TGFB2: variants seen among roughly 807,000 people sequenced by gnomAD.
The protein encoded by TGFB2 is transforming growth factor beta 2.
A neutral mutation model predicts 42.7 loss-of-function variants in TGFB2; 13 were observed. That is an observed-to-expected ratio of 0.30 (90% CI 0.20 to 0.48). The LOEUF (loss-of-function observed/expected upper bound fraction) is 0.48. TGFB2 is among the 20% of genes least tolerant of loss of function. The pLI is 0.99. For missense variants in TGFB2, 390 were observed against 517.5 expected (o/e 0.75, Z 2.39); for synonymous variants, 193 against 193.6 (o/e 1.00, Z 0.03).
At chr1:218,408,437 T>G (rs751952579) in intron 2 of TGFB2, among the ~76,000 whole-genome samples, 1 of 152,124 alleles carries the variant, frequency 6.6e-6, no homozygotes, top group Non-Finnish European at 1.5e-5. Context: ...AGCTTTTAGT[T>G]TGGAGAAGCA....
intron 1 of TGFB2, among the ~76,000 whole-genome samples, chr1:218,383,964 C>T (rs1195458613): frequency 6.6e-6 from 1 of 152,232 alleles, no homozygotes; most frequent in Non-Finnish European, 1.5e-5. Context: ...TCCTTCCTTT[C>T]CACGTCACAG....
intron 2 of TGFB2, among the ~76,000 whole-genome samples, chr1:218,418,200 T>C (rs982976932): frequency 6.6e-6 from 1 of 152,318 alleles, no homozygotes; most frequent in African/African-American, 2.4e-5. Flanking sequence ...AGGGGGGCTA[T>C]ACCTTGCAAA....
At chr1:218,373,781 G>A (rs1657650836) in intron 1 of TGFB2, among the ~76,000 whole-genome samples, 1 of 152,134 alleles carries the variant, frequency 6.6e-6, no homozygotes, top group South Asian at 2.1e-4. Flanking sequence ...AGAACCATAT[G>A]CATCTGTATG....
chr1:218,375,439 A>T (rs1191466534), intron 1 of TGFB2, among the ~76,000 whole-genome samples: 6 of 53,652 alleles, frequency 1.1e-4, no homozygotes, highest in South Asian at 8.1e-4. Context: ...AGAGTTAATT[A>T]AAAAAAAAAA....
intron 1 of TGFB2, among the ~76,000 whole-genome samples, chr1:218,391,695 G>A (rs1186397758): frequency 5.9e-5 from 9 of 152,170 alleles, no homozygotes; most frequent in East Asian, 3.8e-4. Flanking sequence ...GGGTGTAAGC[G>A]TAAGATGATG....
At chr1:218,425,363 A>T (rs1659588546) in intron 2 of TGFB2, among the ~76,000 whole-genome samples, 1 of 151,892 alleles carries the variant, frequency 6.6e-6, no homozygotes, top group South Asian at 2.1e-4. Context: ...GCCAGCCACC[A>T]CGCCCGGCTA....
At chr1:218,353,819 G>A (rs1656943703) in intron 1 of TGFB2, among the ~76,000 whole-genome samples, 1 of 152,212 alleles carries the variant, frequency 6.6e-6, no homozygotes, top group South Asian at 2.1e-4. Context: ...GAGCCTAGGA[G>A]TTTGAGGCTG....
intron 1 of TGFB2, chr1:218,363,234 C>A: frequency 1.0e-6 from 1 of 1,002,142 alleles, no homozygotes; most frequent in Non-Finnish European, 1.6e-6. Flanking sequence ...ATGATAAGAA[C>A]ATTCAATGAG....
chr1:218,346,587 A>AAACAAAC lies in TGFB2; in HGVS notation c.-110_-109insACAACAA. On this transcript the variant is annotated 5_prime_UTR_variant, in exon 1 of 7. Coordinates refer to ENST00000366930, the MANE Select transcript of TGFB2 (RefSeq NM_003238.6). This position sits in a 1 kb window ranked among gnomAD's most constrained non-coding sequence, Gnocchi z 4.9. Reference sequence around the variant, plus strand: ...ATTGTTTGCAAAAGTTTCGCATCAAAAACAACAACAACAAAAAACCAAACA... The same window carrying AAACAAAC: ...ATTGTTTGCAAAAGTTTCGCATCAAAAACAAACAACAACAACAACAAAAAACCAAACA... 13 of 875,224 alleles carry AAACAAAC rather than the reference A, an allele frequency of 1.5e-5. No individual in the cohort carries two copies. 54.2% of individuals were successfully genotyped at this position (875,224 alleles called of 1,614,324 possible).
At chr1:218,413,716 A>G (rs1272315041) in intron 2 of TGFB2, among the ~76,000 whole-genome samples, 1 of 152,192 alleles carries the variant, frequency 6.6e-6, no homozygotes, top group African/African-American at 2.4e-5. Context: ...AGCATCTGTA[A>G]AATAAAATCT....
At chr1:218,409,190 C>T (rs968215118) in intron 2 of TGFB2, among the ~76,000 whole-genome samples, 2 of 152,192 alleles carry the variant, frequency 1.3e-5, no homozygotes, top group Admixed American at 6.5e-5. Flanking sequence ...CTGCTCACCT[C>T]CTGCTGTGCG....
rs986091987 is a variant in TGFB2 at position 218,443,065 on chromosome 1, G to A, written c.*1703G>A. 6.6e-6 allele frequency: 1 copy of A among 152,172 alleles called. No individual in the cohort carries two copies. The highest frequency in any genetic ancestry group is 1.5e-5 in the Non-Finnish European group (1 of 68,020). 9.4% of individuals were successfully genotyped at this position (152,172 alleles called of 1,614,324 possible). Reference sequence around the variant, plus strand: ...AGTCCAGGTCAGCATAAGTCATTTTGTGTATTTCACTGAAGTTATAAGGTT... The same window carrying A: ...AGTCCAGGTCAGCATAAGTCATTTTATGTATTTCACTGAAGTTATAAGGTT... On this transcript the variant is annotated 3_prime_UTR_variant, in exon 7 of 7. Transcript: ENST00000366930.
intron 1 of TGFB2, among the ~76,000 whole-genome samples, chr1:218,404,780 G>A (rs1049010982): frequency 3.9e-5 from 6 of 152,166 alleles, no homozygotes; most frequent in African/African-American, 1.4e-4. Flanking sequence ...TGGCCATTAG[G>A]AACTATTTTC....
intron 1 of TGFB2, chr1:218,363,469 C>A: frequency 6.5e-7 from 1 of 1,539,076 alleles, no homozygotes; most frequent in Non-Finnish European, 9.0e-7. Flanking sequence ...ATATCAAATC[C>A]ATCTTTAGTG....
chr1:218,412,343 C>G (rs1313597856), intron 2 of TGFB2, among the ~76,000 whole-genome samples: 2 of 152,202 alleles, frequency 1.3e-5, no homozygotes, highest in Non-Finnish European at 2.9e-5. Flanking sequence ...CGTGGGCAGA[C>G]ATGTAATTCC....
chr1:218,428,408 C>A (rs1356433954), intron 2 of TGFB2, among the ~76,000 whole-genome samples: 2 of 152,196 alleles, frequency 1.3e-5, no homozygotes, highest in Non-Finnish European at 2.9e-5. Context: ...GAAGTCCTTG[C>A]CCATGCCCAT....
intron 2 of TGFB2, among the ~76,000 whole-genome samples, chr1:218,425,761 C>T (rs986744367): frequency 4.6e-5 from 7 of 152,152 alleles, no homozygotes; most frequent in African/African-American, 7.2e-5. Context: ...AGTGAGTTCA[C>T]GGTCATGAGA....
chr1:218,437,641 G>A, intron 6 of TGFB2, 145 bp downstream of exon 6: 4 of 875,894 alleles, frequency 4.6e-6, no homozygotes, highest in Non-Finnish European at 6.3e-6. Flanking sequence ...TCATTAGGTT[G>A]GTGCAAAAGT....
At chr1:218,412,226 T>C (rs1230632727) in intron 2 of TGFB2, among the ~76,000 whole-genome samples, 21 of 152,212 alleles carry the variant, frequency 1.4e-4, no homozygotes, top group Admixed American at 1.4e-3. Context: ...CAAGATACTC[T>C]TAGAGCAAAA....
Sources: allele counts gnomAD v4.1 joint callset (sites outside exome capture counted in the v4.1 genomes callset), GRCh38; gene constraint gnomAD v4.1.1; non-coding constraint Gnocchi (gnomAD v3.1); transcripts MANE v1.5; gene names NCBI Gene and HGNC (gene_info 2026-07-23, HGNC 2026-07-21).